SLA: variants seen among roughly 807,000 people sequenced by gnomAD.
SLA encodes the protein src-like-adapter.
Under a neutral mutation model 30.3 loss-of-function variants are expected in SLA, and 16 were observed. That is an observed-to-expected ratio of 0.53 (90% CI 0.36 to 0.80). The LOEUF (loss-of-function observed/expected upper bound fraction) is 0.80. Ranked by LOEUF, SLA falls within the 30% of genes least tolerant of loss-of-function variation. SLA has a pLI of 0.01. For missense variants in SLA, 310 were observed against 345.2 expected (o/e 0.90, Z 0.81); for synonymous variants, 143 against 137.8 (o/e 1.04, Z -0.26).
intron 5 of SLA, 63 bp downstream of exon 5, chr8:133,049,839 C>T: frequency 3.7e-6 from 4 of 1,081,210 alleles, no homozygotes; most frequent in South Asian, 2.5e-5. Context: ...ATCTTTGTTC[C>T]ACCTTATGAG....
chr8:133,092,363 TA>T (rs975652135), intron 1 of SLA, among the ~76,000 whole-genome samples: 12 of 152,118 alleles, frequency 7.9e-5, no homozygotes, highest in Admixed American at 7.2e-4. Flanking sequence ...TTTTTAAAGT[TA>T]AAAAAACAAC....
intron 1 of SLA, among the ~76,000 whole-genome samples, chr8:133,077,652 T>C (rs1247605760): frequency 6.6e-6 from 1 of 152,162 alleles, no homozygotes; most frequent in African/African-American, 2.4e-5. Flanking sequence ...ACTCAAATCT[T>C]AGGCCTCTGT....
At chr8:133,065,981 G>A (rs1842979054) in intron 2 of SLA, among the ~76,000 whole-genome samples, 1 of 152,078 alleles carries the variant, frequency 6.6e-6, no homozygotes, top group Non-Finnish European at 1.5e-5. Flanking sequence ...AGAAACAAGA[G>A]AGCGAGGCCA....
chr8:133,068,162 G>A (rs1843387645), intron 2 of SLA, among the ~76,000 whole-genome samples: 2 of 152,244 alleles, frequency 1.3e-5, no homozygotes, highest in Admixed American at 6.5e-5. Flanking sequence ...GAGAGGGCAA[G>A]CAATCTGCTC....
chr8:133,070,538 G>A (rs2702993), intron 2 of SLA, among the ~76,000 whole-genome samples: 12,434 of 152,140 alleles, frequency 0.082, 1,631 homozygotes, highest in African/African-American at 0.28. Flanking sequence ...GCTCAGGGTC[G>A]TACAGCTAGC....
At chr8:133,097,667 A>T (rs1198949116) in intron 1 of SLA, among the ~76,000 whole-genome samples, 3 of 152,256 alleles carry the variant, frequency 2.0e-5, no homozygotes, top group Non-Finnish European at 2.9e-5. Flanking sequence ...GCATAGAAGG[A>T]TAACTGAGTA....
intron 1 of SLA, among the ~76,000 whole-genome samples, chr8:133,091,008 T>G (rs1847422635): frequency 6.6e-6 from 1 of 152,150 alleles, no homozygotes; most frequent in Non-Finnish European, 1.5e-5. Flanking sequence ...TCTAGGGAAG[T>G]GGCTTCAACT....
chr8:133,081,721 T>C (rs2702979), intron 1 of SLA, among the ~76,000 whole-genome samples: 69,765 of 152,014 alleles, frequency 0.46, 16,390 homozygotes, highest in African/African-American at 0.52. Flanking sequence ...TCGGGGGAGA[T>C]CTTACTGTTC....
At chr8:133,070,054 AAAG>A in intron 2 of SLA, among the ~76,000 whole-genome samples, 1 of 151,750 alleles carries the variant, frequency 6.6e-6, no homozygotes, top group African/African-American at 2.4e-5. Context: ...GAAAAGAAGA[AAAG>A]AAAGGAACTG....
Position 133,060,163 on chromosome 8 carries a change from C to A in SLA, c.-3G>T. The A allele has an allele frequency of 6.2e-7, 1 of 1,612,694 alleles. No individual in the cohort carries two copies. The highest frequency in any genetic ancestry group is 8.5e-7 in the Non-Finnish European group (1 of 1,179,554). ...GTGGATTTCATGCTGTTTCCCATTT[C>A]TTTCTTTTTCCCTGGGGCCGCTGGT... is the stretch of plus-strand genomic sequence containing the variant. On this transcript the variant is annotated 5_prime_UTR_variant, in exon 3 of 9. Coordinates refer to ENST00000338087, the MANE Select transcript of SLA (RefSeq NM_001045556.3).
chr8:133,039,650 T>C (rs1271878473), intron 8 of SLA, among the ~76,000 whole-genome samples: 6 of 152,188 alleles, frequency 3.9e-5, no homozygotes, highest in African/African-American at 1.2e-4. Context: ...TAATATTAAA[T>C]TTACACAGGA....
intron 1 of SLA, among the ~76,000 whole-genome samples, chr8:133,078,602 G>C (rs912464500): frequency 2.0e-5 from 3 of 152,140 alleles, no homozygotes; most frequent in African/African-American, 7.2e-5. Flanking sequence ...AACAAATTTT[G>C]TTAGCACTCA....
chr8:133,047,697 A>G lies in SLA; in HGVS notation c.352+133T>C, dbSNP rs541324450. 4 of 695,742 alleles carry G rather than the reference A, an allele frequency of 5.7e-6. No homozygotes were observed. The East Asian group carries it at 8.1e-5, about 14-fold the overall frequency. 43.1% of individuals were successfully genotyped at this position (695,742 alleles called of 1,614,324 possible). ...GCCTCCCCAGCAGCGTGTGGGCTGC[A>G]GGGAGCTTAACTACATTGGATCAAT... On this transcript the variant is annotated intron_variant, in intron 6 of 8. Coordinates refer to ENST00000338087, the MANE Select transcript of SLA (RefSeq NM_001045556.3).
intron 8 of SLA, among the ~76,000 whole-genome samples, chr8:133,039,109 C>A (rs1837663022): frequency 6.6e-6 from 1 of 152,174 alleles, no homozygotes; most frequent in Non-Finnish European, 1.5e-5. Flanking sequence ...AAACTCCTGA[C>A]CTTAGGTGAT....
In SLA at chr8:133,037,917, G is replaced by A. The variant is rs542558588; in HGVS notation, c.*607C>T. 1 of 152,860 alleles carries A rather than the reference G, an allele frequency of 6.5e-6. No homozygotes were observed. Among genetic ancestry groups the A allele is most frequent in the Admixed American group, 6.5e-5 (1 of 15,380 alleles). 9.5% of individuals were successfully genotyped at this position (152,860 alleles called of 1,614,324 possible). A position where few individuals can be genotyped will look rare whatever the true frequency, so the allele number is the denominator to read the frequency against. The stretch of plus-strand genomic sequence containing the variant: ...ACTGACTTCCACCCATATGGCTTTG[G>A]TGCAGGAGCAGACCAAAGGTATCTC... On this transcript the variant is annotated 3_prime_UTR_variant, in exon 9 of 9. Coordinates refer to ENST00000338087, the MANE Select transcript of SLA (RefSeq NM_001045556.3).
At chr8:133,040,586 G>A (rs545899784) in intron 7 of SLA, among the ~76,000 whole-genome samples, 9 of 152,204 alleles carry the variant, frequency 5.9e-5, no homozygotes, top group South Asian at 2.1e-4. Flanking sequence ...TGCATACAGC[G>A]CTGATCCCCC....
intron 2 of SLA, chr8:133,073,045 T>C (rs1020990823): frequency 6.6e-6 from 1 of 152,234 alleles, no homozygotes; most frequent in Non-Finnish European, 1.5e-5. Context: ...TTAGTACCTA[T>C]TATCTCCTAG....
chr8:133,038,605 C>T lies in SLA; in HGVS notation c.750G>A (p.Lys250=), dbSNP rs1241470965. The change falls in exon 9 of 9, where the codon AAG becomes AAA. Residue 250 remains lysine (K), a synonymous_variant. Transcript: ENST00000338087. ...TSEDNTSFDR[K]KKSISLMYGG... is the part of the protein sequence containing the mutation. Reference sequence around the variant, plus strand: ...CATACATCAGGGAGATGCTTTTCTTCTTTCGATCAAAGGAGGTGTTGTCCT... The same window carrying T: ...CATACATCAGGGAGATGCTTTTCTTTTTTCGATCAAAGGAGGTGTTGTCCT... 2 of 1,613,990 alleles carry T rather than the reference C, an allele frequency of 1.2e-6. No homozygotes were observed. The highest frequency in any genetic ancestry group is 1.3e-5 in the African/African-American group (1 of 74,916).
Position 133,040,093 on chromosome 8 carries a change from G to C in SLA, c.522C>G (p.Pro174=). Residue 174 remains proline (P), a synonymous_variant, in exon 8 of 9, where the codon CCC becomes CCG. Coordinates refer to ENST00000338087, the MANE Select transcript of SLA (RefSeq NM_001045556.3). ...ADGLCCVLTT[P]CLTQSTAAPA... ...GGGCAGCCGTGCTTTGTGTCAGGCA[G>C]GGCGTGGTGAGCACACAGCACAGGC... 1 of 1,568,454 alleles carries C rather than the reference G, an allele frequency of 6.4e-7. No individual in the cohort carries two copies. The highest frequency in any genetic ancestry group is 1.3e-5 in the African/African-American group (1 of 74,164).
Sources: allele counts gnomAD v4.1 joint callset (sites outside exome capture counted in the v4.1 genomes callset), GRCh38; gene constraint gnomAD v4.1.1; transcripts MANE v1.5; gene names NCBI Gene and HGNC (gene_info 2026-07-23, HGNC 2026-07-21).